Variants in NRG1 observed in about 807,000 individuals in gnomAD.
The protein encoded by NRG1 is neuregulin 1.
A neutral mutation model predicts 63.8 loss-of-function variants in NRG1; 18 were observed. That is an observed-to-expected ratio of 0.28 (90% CI 0.19 to 0.42). The LOEUF (loss-of-function observed/expected upper bound fraction) is 0.42. Ranked by LOEUF, NRG1 falls within the 10% of genes least tolerant of loss-of-function variation. The pLI is 1.00. For synonymous variants in NRG1, 302 were observed against 301.3 expected (o/e 1.00, Z -0.02); for missense variants, 762 against 814.7 (o/e 0.94, Z 0.79).
chr8:31,770,751 G>T (rs1029902905), intron 1 of NRG1, among the ~76,000 whole-genome samples: 1 of 139,734 alleles, frequency 7.2e-6, no homozygotes, highest in African/African-American at 2.6e-5. Flanking sequence ...ATGTACCCTA[G>T]AACTTAAAGT....
chr8:32,547,627 G>GCA (rs1667643084), upstream of NRG1, among the ~76,000 whole-genome samples: 2 of 125,292 alleles, frequency 1.6e-5, no homozygotes, highest in Admixed American at 1.6e-4. Context: ...ACACACACAC[G>GCA]CACACGGCGC....
chr8:32,419,439 G>A (rs550741518), intron 1 of NRG1, among the ~76,000 whole-genome samples: 5 of 152,088 alleles, frequency 3.3e-5, no homozygotes, highest in African/African-American at 4.8e-5. Context: ...TTTCTATGCC[G>A]CTGTCCTCTG....
chr8:32,181,014 T>G (rs1453983720), intron 1 of NRG1, among the ~76,000 whole-genome samples: 1 of 152,230 alleles, frequency 6.6e-6, no homozygotes, highest in Non-Finnish European at 1.5e-5. Context: ...ATTTGTCTTC[T>G]GTGCTTAGCT....
chr8:31,849,424 C>T (rs1369616316), intron 1 of NRG1, among the ~76,000 whole-genome samples: 1 of 152,238 alleles, frequency 6.6e-6, no homozygotes, highest in South Asian at 2.1e-4. Flanking sequence ...GAATATTTAA[C>T]TCATTTCAGA....
At chr8:32,093,358 C>A (rs1173401146) in intron 1 of NRG1, among the ~76,000 whole-genome samples, 1 of 152,154 alleles carries the variant, frequency 6.6e-6, no homozygotes, top group Non-Finnish European at 1.5e-5. Context: ...AGGCCTATGT[C>A]ACTTGCCTTT....
chr8:32,752,801 G>A (rs766377533), intron 7 of NRG1, among the ~76,000 whole-genome samples: 1 of 151,910 alleles, frequency 6.6e-6, no homozygotes, highest in Non-Finnish European at 1.5e-5. Flanking sequence ...CAGCATTCTA[G>A]TCCTTTACCC....
chr8:31,961,405 A>C (rs944017494), intron 1 of NRG1, among the ~76,000 whole-genome samples: 3 of 152,164 alleles, frequency 2.0e-5, no homozygotes, highest in African/African-American at 7.2e-5. Context: ...ACAACATCTC[A>C]CTCTGCACAA....
intron 1 of NRG1, among the ~76,000 whole-genome samples, chr8:31,923,271 G>A (rs1286626095): frequency 6.6e-6 from 1 of 151,444 alleles, no homozygotes; most frequent in African/African-American, 2.4e-5. Flanking sequence ...AATTGTATAG[G>A]TTTTCCTTTA....
chr8:31,982,447 C>A (rs1319961897), intron 1 of NRG1, among the ~76,000 whole-genome samples: 2 of 151,842 alleles, frequency 1.3e-5, no homozygotes, highest in Non-Finnish European at 2.9e-5. Flanking sequence ...GATGAGGAAC[C>A]CAGAAGATAG....
Position 32,713,363 on chromosome 8 carries a change from C to T in NRG1, c.503-14586C>T, listed in dbSNP as rs141116046. On this transcript the variant is annotated intron_variant, in intron 5 of 11. Transcript: ENST00000356819. ...CCAGCTCTGTACATCAAAAATCCTTCCGGTTTCGGTAAACTATCCTGTGAC... is the reference window on the plus strand; with the variant it reads ...CCAGCTCTGTACATCAAAAATCCTTTCGGTTTCGGTAAACTATCCTGTGAC... Among the ~76,000 whole-genome samples the T allele has an allele frequency of 1.1e-3, 167 of 152,260 alleles. 1 individual carries two copies. Among genetic ancestry groups the T allele is most frequent in the African/African-American group, 3.9e-3 (163 of 41,542 alleles).
At chr8:32,061,411 A>G (rs1038794686) in intron 1 of NRG1, among the ~76,000 whole-genome samples, 1 of 151,870 alleles carries the variant, frequency 6.6e-6, no homozygotes, top group African/African-American at 2.4e-5. Flanking sequence ...TCATTTTGTG[A>G]TGACTTTTTT....
intron 1 of NRG1, among the ~76,000 whole-genome samples, chr8:31,875,579 C>T (rs1829852112): frequency 2.0e-5 from 3 of 152,146 alleles, no homozygotes; most frequent in African/African-American, 4.8e-5. Flanking sequence ...CGGGCGATGC[C>T]TTCAGTGGGT....
intron 1 of NRG1, among the ~76,000 whole-genome samples, chr8:31,982,751 T>C (rs546415565): frequency 1.2e-4 from 19 of 152,130 alleles, no homozygotes; most frequent in Non-Finnish European, 2.5e-4. Context: ...ACATCTCTCA[T>C]GAAATTAATT....
At chr8:32,569,061 G>T (rs1838022120) in intron 1 of NRG1, among the ~76,000 whole-genome samples, 1 of 151,626 alleles carries the variant, frequency 6.6e-6, no homozygotes, top group African/African-American at 2.4e-5. Flanking sequence ...TTTGTTTTTT[G>T]TTTTTTGAGA....
At chr8:32,134,488 C>G (rs1256164804) in intron 1 of NRG1, among the ~76,000 whole-genome samples, 1 of 152,064 alleles carries the variant, frequency 6.6e-6, no homozygotes, top group Non-Finnish European at 1.5e-5. Context: ...TTTTATTCTC[C>G]AAGGAACCCC....
intron 1 of NRG1, chr8:31,639,747 T>G: frequency 7.3e-7 from 1 of 1,369,002 alleles, no homozygotes; most frequent in Non-Finnish European, 9.3e-7. Flanking sequence ...TTTTCTATTT[T>G]GCCTTTTTTT....
chr8:32,753,501 G>A (rs763033780), intron 7 of NRG1, among the ~76,000 whole-genome samples: 33 of 152,326 alleles, frequency 2.2e-4, no homozygotes, highest in Middle Eastern at 3.4e-3. Flanking sequence ...GTTGGCCAAC[G>A]TAGGAATGTG....
intron 1 of NRG1, among the ~76,000 whole-genome samples, chr8:31,915,144 A>G (rs2129617832): frequency 6.6e-6 from 1 of 152,118 alleles, no homozygotes; most frequent in African/African-American, 2.4e-5. Flanking sequence ...ATTTTTTAGA[A>G]TTGCAGTATC....
chr8:31,758,199 T>C (rs1268579097), intron 1 of NRG1, among the ~76,000 whole-genome samples: 1 of 152,130 alleles, frequency 6.6e-6, no homozygotes, highest in South Asian at 2.1e-4. Context: ...CCTAATGTTA[T>C]CCTTCCCCTA....
Sources: allele counts gnomAD v4.1 joint callset (sites outside exome capture counted in the v4.1 genomes callset), GRCh38; gene constraint gnomAD v4.1.1; transcripts MANE v1.5; gene names NCBI Gene and HGNC (gene_info 2026-07-23, HGNC 2026-07-21).